MTFR1: variants seen among roughly 807,000 people sequenced by gnomAD.
MTFR1 encodes the protein mitochondrial fission regulator 1.
MTFR1 carries 28 observed loss-of-function variants against 38.8 expected under a neutral mutation model. The ratio of observed to expected loss-of-function variants is 0.72; its 90% confidence interval spans 0.53 to 0.99. The LOEUF (loss-of-function observed/expected upper bound fraction) is 0.99, where lower values mean the gene tolerates loss of function less well. Ranked by LOEUF, MTFR1 falls within the 50% of genes least tolerant of loss-of-function variation. The pLI is 0.00. For synonymous variants in MTFR1, 145 were observed against 137.0 expected (o/e 1.06, Z -0.41); for missense variants, 358 against 395.5 (o/e 0.91, Z 0.81).
At chr8:65,731,633 T>G (rs545278400) in intron 3 of MTFR1, 1 of 152,274 alleles carries the variant, frequency 6.6e-6, no homozygotes, top group African/African-American at 2.4e-5. Flanking sequence ...GAGTTCAGCC[T>G]TGAGGACATA....
At chr8:65,656,195 T>C (rs1475278588) in intron 1 of MTFR1, among the ~76,000 whole-genome samples, 1 of 146,892 alleles carries the variant, frequency 6.8e-6, no homozygotes, top group Non-Finnish European at 1.5e-5. Flanking sequence ...AAACTCTGTC[T>C]CAAAAAAACA....
intron 4 of MTFR1, among the ~76,000 whole-genome samples, chr8:65,703,503 G>A (rs952099180): frequency 1.6e-5 from 2 of 123,926 alleles, no homozygotes; most frequent in Admixed American, 1.1e-4. Context: ...GCGTGATCTC[G>A]GCTCACTGCA....
At chr8:65,723,594 C>A in intron 3 of MTFR1, 1 of 1,575,092 alleles carries the variant, frequency 6.3e-7, no homozygotes, top group South Asian at 1.2e-5. Flanking sequence ...TGGACTCACA[C>A]CCAAATGATA....
chr8:65,709,596 G>T lies in MTFR1; in HGVS notation c.*552G>T, dbSNP rs1805887978. 6.6e-6 allele frequency: 1 copy of T among 152,558 alleles called. No homozygotes were observed. Among genetic ancestry groups the T allele is most frequent in the Non-Finnish European group, 1.5e-5 (1 of 68,226 alleles). The allele number at this position is 152,558 out of a possible 1,614,324, so 9.5% of individuals were successfully genotyped here. On this transcript the variant is annotated 3_prime_UTR_variant, in exon 8 of 8. Coordinates refer to ENST00000262146, the MANE Select transcript of MTFR1 (RefSeq NM_014637.4). ...TGCCTTGAACAGAACTTATATCTTA[G>T]ATTCTCTCTCACATTTTCTTGGAGC...
intron 2 of MTFR1, among the ~76,000 whole-genome samples, chr8:65,675,145 A>G (rs1167019713): frequency 1.3e-5 from 2 of 152,078 alleles, no homozygotes; most frequent in African/African-American, 2.4e-5. Flanking sequence ...ATAAAAATTA[A>G]TTGGGCATGG....
At chr8:65,663,474 G>A (rs1035928676) in intron 1 of MTFR1, among the ~76,000 whole-genome samples, 4 of 146,888 alleles carry the variant, frequency 2.7e-5, no homozygotes, top group Admixed American at 2.1e-4. Context: ...CTCCACTATT[G>A]TCCTGTGACC....
At chr8:65,657,706 T>TAA (rs59682546) in intron 1 of MTFR1, among the ~76,000 whole-genome samples, 7 of 132,682 alleles carry the variant, frequency 5.3e-5, no homozygotes, top group East Asian at 2.2e-4. Flanking sequence ...AGACTGTCTC[T>TAA]AAAAAAAAAA....
At chr8:65,659,680 C>T (rs73239085) in intron 1 of MTFR1, among the ~76,000 whole-genome samples, 18,074 of 152,060 alleles carry the variant, frequency 0.12, 2,012 homozygotes, top group East Asian at 0.53. Flanking sequence ...AGGCTGTTTA[C>T]AGTAACTAGG....
chr8:65,693,634 T>A lies in MTFR1; in HGVS notation c.166-10T>A. On this transcript the variant is annotated splice_polypyrimidine_tract_variant and intron_variant, in intron 3 of 7. Coordinates refer to ENST00000262146, the MANE Select transcript of MTFR1 (RefSeq NM_014637.4). The stretch of plus-strand genomic sequence containing the variant: ...TTTGGTGAAGAACTTTCCCTATTTA[T>A]AACTTACAGATTAACAGCCATGCAA... 7 of 1,611,546 alleles carry A rather than the reference T, an allele frequency of 4.3e-6. No homozygotes were observed. The highest frequency in any genetic ancestry group is 5.9e-6 in the Non-Finnish European group (7 of 1,177,892).
At chr8:65,671,837 C>CT (rs1804574781) in intron 2 of MTFR1, among the ~76,000 whole-genome samples, 1 of 152,148 alleles carries the variant, frequency 6.6e-6, no homozygotes, top group South Asian at 2.1e-4. Flanking sequence ...ATTGCTACTG[C>CT]TATAAGAATT....
At chr8:65,748,128 C>G (rs1807771689) in intron 3 of MTFR1, among the ~76,000 whole-genome samples, 1 of 151,516 alleles carries the variant, frequency 6.6e-6, no homozygotes, top group Non-Finnish European at 1.5e-5. Flanking sequence ...ATACTATAAC[C>G]TCTTACTCTT....
intron 3 of MTFR1, among the ~76,000 whole-genome samples, chr8:65,726,451 T>C (rs1246383352): frequency 6.6e-6 from 1 of 152,182 alleles, no homozygotes; most frequent in Non-Finnish European, 1.5e-5. Context: ...TTCTTGTCAG[T>C]TTTGAAAACT....
intron 2 of MTFR1, among the ~76,000 whole-genome samples, chr8:65,672,404 T>G (rs1334930873): frequency 6.6e-6 from 1 of 152,258 alleles, no homozygotes; most frequent in Non-Finnish European, 1.5e-5. Context: ...TACCTTTCAG[T>G]GATTAACATG....
intron 3 of MTFR1, among the ~76,000 whole-genome samples, chr8:65,688,483 C>G (rs1805166501): frequency 7.0e-6 from 1 of 142,296 alleles, no homozygotes; most frequent in Non-Finnish European, 1.5e-5. Flanking sequence ...GAGTCTTGCT[C>G]TGTCGCCCAG....
At chr8:65,689,260 G>T (rs1171917497) in intron 3 of MTFR1, among the ~76,000 whole-genome samples, 2 of 152,194 alleles carry the variant, frequency 1.3e-5, no homozygotes, top group African/African-American at 4.8e-5. Context: ...CTAGTTCCCA[G>T]CACTGTTGTG....
intron 3 of MTFR1, chr8:65,745,622 ACTGGCTCC>A: frequency 1.7e-6 from 1 of 592,894 alleles, no homozygotes; most frequent in African/African-American, 1.9e-5. Context: ...GACTTTTTCA[ACTGGCTCC>A]AAAAAAATGC....
the MTFR1 span, among the ~76,000 whole-genome samples, chr8:65,778,035 T>G: frequency 6.6e-6 from 1 of 152,192 alleles, no homozygotes. Flanking sequence ...CTTAATTACT[T>G]TTTCAAAACA....
rs1355524625 is a variant in MTFR1 at position 65,704,728 on chromosome 8, G to A, written c.316G>A (p.Asp106Asn). Residue 106 changes from aspartate to asparagine, a missense_variant, in exon 5 of 8, where the codon GAC becomes AAC. Asp to Asn is a conservative substitution (Grantham distance 23). Transcript: ENST00000262146. ...CAGATCAAGGCCACCCCTTCAGGAT[G>A]ACCTTCTTTTCTTTGAGAAGGCCCC... ...EVRSRPPLQDDLLFFEKAPSR... is the reference protein window; with the variant it reads ...EVRSRPPLQDNLLFFEKAPSR... 3 of 1,614,082 alleles carry A rather than the reference G, an allele frequency of 1.9e-6. No individual in the cohort carries two copies. Among genetic ancestry groups the A allele is most frequent in the Non-Finnish European group, 2.5e-6 (3 of 1,179,996 alleles).
At chr8:65,747,722 C>T (rs368789851) in intron 3 of MTFR1, 9 of 1,610,940 alleles carry the variant, frequency 5.6e-6, no homozygotes, top group Admixed American at 1.7e-5. Flanking sequence ...ACGAAAAAAG[C>T]GTGAAGATCT....
Sources: allele counts gnomAD v4.1 joint callset (sites outside exome capture counted in the v4.1 genomes callset), GRCh38; gene constraint gnomAD v4.1.1; transcripts MANE v1.5; gene names NCBI Gene and HGNC (gene_info 2026-07-23, HGNC 2026-07-21).